RSPO4: variants seen among roughly 807,000 people sequenced by gnomAD.
The protein encoded by RSPO4 is R-spondin-4.
Under a neutral mutation model 24.8 loss-of-function variants are expected in RSPO4, and 23 were observed. That is an observed-to-expected ratio of 0.93 (90% CI 0.67 to 1.31). The LOEUF (loss-of-function observed/expected upper bound fraction) is 1.31. Ranked by LOEUF, RSPO4 falls within the 40% of genes most tolerant of loss-of-function variation. The probability of loss-of-function intolerance (pLI) is 0.00; values close to 1 mark genes in which losing one functional copy is unlikely to be tolerated. For synonymous variants in RSPO4, 141 were observed against 127.4 expected, an observed-to-expected ratio of 1.11 and a Z score of -0.72; for missense variants, 333 against 316.5, an observed-to-expected ratio of 1.05 and a Z score of -0.39.
chr20:979,867 C>T (rs1227636689), intron 1 of RSPO4, among the ~76,000 whole-genome samples: 3 of 152,088 alleles, frequency 2.0e-5, no homozygotes, highest in Non-Finnish European at 2.9e-5. Flanking sequence ...CACCCTATTC[C>T]TCTCCCACGT....
Position 981,284 on chromosome 20 carries a change from G to A in RSPO4, c.80-13146C>T, listed in dbSNP as rs1481673734. On this transcript the variant is annotated intron_variant, in intron 1 of 4. Transcript: ENST00000217260. The surrounding 1 kb of genome is among the most constrained non-coding windows in gnomAD (Gnocchi z 4.6). Reference sequence around the variant, plus strand: ...TCACGCCTGTAATCCCAGCACTTAGGGAGGCTGAGGCAGGTAGATCATAGG... The same window carrying A: ...TCACGCCTGTAATCCCAGCACTTAGAGAGGCTGAGGCAGGTAGATCATAGG... Among the ~76,000 whole-genome samples, 2 of 152,210 alleles carry A rather than the reference G, an allele frequency of 1.3e-5. No homozygotes were observed. Among genetic ancestry groups the A allele is most frequent in the African/African-American group, 4.8e-5 (2 of 41,444 alleles).
intron 1 of RSPO4, among the ~76,000 whole-genome samples, chr20:978,457 C>T (rs543388365): frequency 3.7e-4 from 56 of 152,336 alleles, no homozygotes; most frequent in African/African-American, 1.3e-3. Context: ...TAAATCCCCA[C>T]GGCCCTGCAC....
At chr20:979,191 G>A (rs1158095588) in intron 1 of RSPO4, among the ~76,000 whole-genome samples, 2 of 152,032 alleles carry the variant, frequency 1.3e-5, no homozygotes, top group Non-Finnish European at 2.9e-5. Context: ...CTCCTGCCCT[G>A]TTTCCCCACC....
intron 1 of RSPO4, among the ~76,000 whole-genome samples, chr20:968,544 C>T (rs756763670): frequency 2.6e-5 from 4 of 152,248 alleles, no homozygotes; most frequent in Non-Finnish European, 4.4e-5. Flanking sequence ...AACTGCTGTA[C>T]CAGCTCTAGC....
rs551284202 is a variant in RSPO4, at chr20:985,910, G to A, written c.79+16176C>T. Among the ~76,000 whole-genome samples, 12 of 152,366 alleles carry A rather than the reference G, an allele frequency of 7.9e-5. No homozygotes were observed. The South Asian group carries it at 2.1e-3, about 26-fold the overall frequency. On this transcript the variant is annotated intron_variant, in intron 1 of 4. Coordinates refer to ENST00000217260, the MANE Select transcript of RSPO4 (RefSeq NM_001029871.4). ...TGATTGAACTCACTCTTGTTGATCT[G>A]CCCTGTGTCCATTGGGAGTGAGTGG...
intron 4 of RSPO4, among the ~76,000 whole-genome samples, chr20:961,371 G>A (rs1047490530): frequency 3.3e-5 from 5 of 152,240 alleles, no homozygotes; most frequent in African/African-American, 1.2e-4. Context: ...ACTTTCTGAA[G>A]GTGCGCAGCG....
chr20:1,002,182 G>A lies in RSPO4; in HGVS notation c.-18C>T, dbSNP rs1985492810. 1.5e-5 allele frequency: 23 copies of A among 1,519,550 alleles called. No individual in the cohort carries two copies. The highest frequency in any genetic ancestry group is 1.9e-5 in the Non-Finnish European group (22 of 1,134,890). 94.1% of individuals were successfully genotyped at this position (1,519,550 alleles called of 1,614,324 possible). A position where few individuals can be genotyped will look rare whatever the true frequency, so the allele number is the denominator to read the frequency against. On this transcript the variant is annotated 5_prime_UTR_variant, in exon 1 of 5. Transcript: ENST00000217260. The surrounding 1 kb of genome is among the most constrained non-coding windows in gnomAD (Gnocchi z 4.6). ...GCCCGCATCTGGGCAGCCGGATCCG[G>A]GCTGGCGCTCCCCAGGCGGCCCGAC...
intron 3 of RSPO4, among the ~76,000 whole-genome samples, chr20:965,830 G>T (rs1485633010): frequency 6.6e-6 from 1 of 152,204 alleles, no homozygotes; most frequent in Non-Finnish European, 1.5e-5. Context: ...GTCCTTGAGT[G>T]CAGAGGCTTT....
intron 1 of RSPO4, among the ~76,000 whole-genome samples, chr20:1,001,638 G>A (rs1472943049): frequency 2.0e-5 from 3 of 152,186 alleles, no homozygotes; most frequent in Non-Finnish European, 4.4e-5. Flanking sequence ...GAGTCAGGGT[G>A]AGTGATGAGG....
intron 1 of RSPO4, among the ~76,000 whole-genome samples, chr20:992,008 CG>C: frequency 6.7e-6 from 1 of 149,442 alleles, no homozygotes; most frequent in East Asian, 2.0e-4. Context: ...AAGTGAATGA[CG>C]GGGGTGGTGT....
chr20:971,015 T>A (rs911199279), intron 1 of RSPO4, among the ~76,000 whole-genome samples: 3 of 152,118 alleles, frequency 2.0e-5, no homozygotes, highest in Non-Finnish European at 2.9e-5. Flanking sequence ...GATAATTTTT[T>A]AAAAACTTTT....
Position 1,002,175 on chromosome 20 carries a change from G to T in RSPO4, c.-11C>A, listed in dbSNP as rs756348305. ...GAGTGGCGCCCGCATCTGGGCAGCC[G>T]GATCCGGGCTGGCGCTCCCCAGGCG... On this transcript the variant is annotated 5_prime_UTR_variant, in exon 1 of 5. Transcript: ENST00000217260. The surrounding 1 kb of genome is among the most constrained non-coding windows in gnomAD (Gnocchi z 4.6). The T allele has an allele frequency of 6.5e-7, 1 of 1,532,716 alleles. No homozygotes were observed. The highest frequency in any genetic ancestry group is 2.5e-5 in the East Asian group (1 of 39,548). The allele number at this position is 1,532,716 out of a possible 1,614,324, so 94.9% of individuals were successfully genotyped here. A position where few individuals can be genotyped will look rare whatever the true frequency, so the allele number is the denominator to read the frequency against.
intron 1 of RSPO4, among the ~76,000 whole-genome samples, chr20:988,056 A>AG (rs1984976436): frequency 6.6e-5 from 10 of 152,244 alleles, no homozygotes; most frequent in Admixed American, 2.6e-4. Flanking sequence ...CATCTCTGAG[A>AG]TACACAAGAA....
Position 981,395 on chromosome 20 carries a change from C to T in RSPO4, c.80-13257G>A, listed in dbSNP as rs954915924. Among the ~76,000 whole-genome samples the T allele has an allele frequency of 1.3e-5, 2 of 152,258 alleles. No individual in the cohort carries two copies. Among genetic ancestry groups the T allele is most frequent in the Admixed American group, 1.3e-4 (2 of 15,296 alleles). The stretch of plus-strand genomic sequence containing the variant: ...CAAAAATCAGCTGGGCGTGGTGGTG[C>T]ACACCTGTAATCCCAGCTACTCAGG... On this transcript the variant is annotated intron_variant, in intron 1 of 4. Coordinates refer to ENST00000217260, the MANE Select transcript of RSPO4 (RefSeq NM_001029871.4). This position sits in a 1 kb window ranked among gnomAD's most constrained non-coding sequence, Gnocchi z 4.6.
intron 1 of RSPO4, among the ~76,000 whole-genome samples, chr20:982,213 C>T (rs1353351261): frequency 2.0e-5 from 3 of 152,168 alleles, no homozygotes; most frequent in African/African-American, 7.2e-5. Context: ...GAGCTAGTGC[C>T]CTGTTAGCCA....
chr20:968,226 G>C, intron 1 of RSPO4, 88 bp from the exon 2 acceptor site: 1 of 1,245,704 alleles, frequency 8.0e-7, no homozygotes, highest in Non-Finnish European at 1.2e-6. Flanking sequence ...GGTCTCATTG[G>C]GATAGTAACT....
Position 970,843 on chromosome 20 carries a change from G to GTTTGT in RSPO4, c.80-2710_80-2706dup, listed in dbSNP as rs1003167786. Among the ~76,000 whole-genome samples the GTTTGT allele has an allele frequency of 2.0e-5, 3 of 152,004 alleles. No homozygotes were observed. Among genetic ancestry groups the GTTTGT allele is most frequent in the Non-Finnish European group, 4.4e-5 (3 of 67,988 alleles). ...TCTTTTTGTGTTAAAAAGTTTTTTT[G>GTTTGT]TTTGTTTTGTTTTGTTAAGACAGGA... On this transcript the variant is annotated intron_variant, in intron 1 of 4. Transcript: ENST00000217260. The surrounding 1 kb of genome is among the most constrained non-coding windows in gnomAD (Gnocchi z 4.1).
At chr20:973,295 C>T (rs192338758) in intron 1 of RSPO4, among the ~76,000 whole-genome samples, 54 of 152,350 alleles carry the variant, frequency 3.5e-4, no homozygotes, top group African/African-American at 1.2e-3. Flanking sequence ...AAAGCTCTTA[C>T]CACTCTTAGA....
At position 992,833 on chromosome 20, in the gene RSPO4, T is replaced by C. The variant is rs923138788; in HGVS notation, c.79+9253A>G. Among the ~76,000 whole-genome samples, 3 of 152,200 alleles carry C rather than the reference T, an allele frequency of 2.0e-5. No individual in the cohort carries two copies. The East Asian group carries it at 5.8e-4, about 29-fold the overall frequency. ...TATGTACCAGCAATGCGTTTGTCTA[T>C]GTTTCATGCCTCATTTTGCAAATTA... On this transcript the variant is annotated intron_variant, in intron 1 of 4. Transcript: ENST00000217260.
Sources: gnomAD v4.1 joint callset for allele counts (sites outside exome capture counted in the v4.1 genomes callset) on GRCh38, gnomAD v4.1.1 for gene constraint, Gnocchi (gnomAD v3.1) non-coding constraint, MANE v1.5 for transcripts, NCBI Gene and HGNC (gene_info 2026-07-23, HGNC 2026-07-21) for gene names.